The following NRXN1 variants were observed in gnomAD, a reference collection of about 807,000 sequenced individuals.
NRXN1 encodes neurexin-1.
A neutral mutation model predicts 150.9 loss-of-function variants in NRXN1; 39 were observed. The observed-to-expected ratio is 0.26, with a 90% CI of 0.20 to 0.34. NRXN1 has a LOEUF of 0.34. Among genes scored for constraint, NRXN1 ranks in the 10% least tolerant of loss-of-function variants. The pLI is 1.00. For missense variants in NRXN1, 1,815 were observed against 1,949.9 expected, an observed-to-expected ratio of 0.93 and a Z score of 1.30; for synonymous variants, 924 against 757.0, an observed-to-expected ratio of 1.22 and a Z score of -3.62.
chr2:50,077,542 C>T (rs1481879142), intron 19 of NRXN1, among the ~76,000 whole-genome samples: 3 of 152,078 alleles, frequency 2.0e-5, no homozygotes, highest in Non-Finnish European at 4.4e-5. Context: ...AAGTCCTCTG[C>T]CAACCTGAGC....
chr2:50,378,815 G>C (rs1469484694), intron 17 of NRXN1, among the ~76,000 whole-genome samples: 2 of 152,130 alleles, frequency 1.3e-5, no homozygotes, highest in Non-Finnish European at 2.9e-5. Context: ...AACTTTAAGA[G>C]GGAAACTCTT....
intron 5 of NRXN1, among the ~76,000 whole-genome samples, chr2:50,816,031 T>G (rs2105794086): frequency 6.6e-6 from 1 of 152,306 alleles, no homozygotes; most frequent in African/African-American, 2.4e-5. Flanking sequence ...TCCTAAGATC[T>G]TAAGTATAAT....
intron 21 of NRXN1, among the ~76,000 whole-genome samples, chr2:50,013,745 G>A (rs924731480): frequency 6.6e-6 from 1 of 152,138 alleles, no homozygotes; most frequent in Admixed American, 6.6e-5. Context: ...AATAACAAAA[G>A]TTCAATGACT....
intron 2 of NRXN1, among the ~76,000 whole-genome samples, chr2:50,958,536 T>C (rs1400406014): frequency 6.6e-6 from 1 of 152,116 alleles, no homozygotes; most frequent in South Asian, 2.1e-4. Flanking sequence ...TTATAGAAAG[T>C]CAACTGGTTT....
rs989772277 is a variant in NRXN1, at chr2:50,265,986, A to G, written c.3365-29016T>C. On this transcript the variant is annotated intron_variant, in intron 17 of 22. Coordinates refer to ENST00000401669, the MANE Select transcript of NRXN1 (RefSeq NM_001330078.2). ...CTTTGTTATTATTATTATTATTATTATTATTATTATTATTTATTTTTTTTT... is the reference window on the plus strand; with the variant it reads ...CTTTGTTATTATTATTATTATTATTGTTATTATTATTATTTATTTTTTTTT... 4.3e-5 allele frequency among the ~76,000 whole-genome samples: 4 copies of G among 93,472 alleles called. No homozygotes were observed. The East Asian group carries it at 9.6e-4, about 22-fold the overall frequency. The allele number at this position is 93,472 out of a possible 152,430, so 61.3% of individuals were successfully genotyped here.
chr2:50,884,816 T>C (rs990005732), intron 5 of NRXN1, among the ~76,000 whole-genome samples: 1 of 145,658 alleles, frequency 6.9e-6, no homozygotes. Context: ...GAGAACATAC[T>C]GTTTTTTAAA....
At chr2:50,220,676 CT>C (rs1222971902) in intron 18 of NRXN1, among the ~76,000 whole-genome samples, 4 of 152,036 alleles carry the variant, frequency 2.6e-5, no homozygotes, top group African/African-American at 9.7e-5. Context: ...AGTTCCACGT[CT>C]TTTTGTGAAT....
chr2:50,111,835 T>G (rs933039989), intron 18 of NRXN1, among the ~76,000 whole-genome samples: 2 of 152,166 alleles, frequency 1.3e-5, no homozygotes, highest in Admixed American at 6.5e-5. Context: ...TTAAAGTTTT[T>G]ATAACCATTC....
intron 17 of NRXN1, among the ~76,000 whole-genome samples, chr2:50,302,766 A>C (rs2074275497): frequency 6.6e-6 from 1 of 152,182 alleles, no homozygotes; most frequent in Non-Finnish European, 1.5e-5. Flanking sequence ...ACTGAAATTT[A>C]ATTTGTAAGA....
intron 5 of NRXN1, among the ~76,000 whole-genome samples, chr2:50,642,238 C>G (rs1485919939): frequency 1.3e-5 from 2 of 151,824 alleles, no homozygotes; most frequent in Non-Finnish European, 2.9e-5. Flanking sequence ...GACAGGGATC[C>G]AGTTTACAAG....
chr2:50,069,652 A>G (rs1695903211), intron 19 of NRXN1, among the ~76,000 whole-genome samples: 2 of 152,026 alleles, frequency 1.3e-5, no homozygotes, highest in Admixed American at 1.3e-4. Context: ...TAATTAAGCC[A>G]TTACATTTTT....
intron 18 of NRXN1, among the ~76,000 whole-genome samples, chr2:50,152,844 G>A (rs1027694756): frequency 2.6e-5 from 4 of 151,548 alleles, no homozygotes; most frequent in African/African-American, 9.7e-5. Context: ...ATTTCTTGGA[G>A]TTTTATATTT....
At chr2:50,647,122 T>G (rs1684937838) in intron 5 of NRXN1, among the ~76,000 whole-genome samples, 1 of 151,806 alleles carries the variant, frequency 6.6e-6, no homozygotes, top group Admixed American at 6.6e-5. Context: ...CTGAACAAAC[T>G]GTATCTCTCA....
intron 17 of NRXN1, among the ~76,000 whole-genome samples, chr2:50,450,549 T>C (rs1338836995): frequency 6.6e-6 from 1 of 152,198 alleles, no homozygotes; most frequent in Non-Finnish European, 1.5e-5. Context: ...TATTTCTCAT[T>C]ATGTTTTGCA....
intron 5 of NRXN1, among the ~76,000 whole-genome samples, chr2:50,819,968 T>TC (rs1350738612): frequency 6.6e-6 from 1 of 152,128 alleles, no homozygotes; most frequent in Non-Finnish European, 1.5e-5. Flanking sequence ...CTCTGCTCAC[T>TC]TGTTAATACA....
At chr2:50,009,434 A>T (rs1685289540) in intron 21 of NRXN1, among the ~76,000 whole-genome samples, 1 of 152,180 alleles carries the variant, frequency 6.6e-6, no homozygotes, top group Admixed American at 6.6e-5. Context: ...CATATTTGAA[A>T]TTTACTTGCT....
chr2:51,024,634 A>AT (rs1471485303), intron 2 of NRXN1, among the ~76,000 whole-genome samples: 3 of 152,200 alleles, frequency 2.0e-5, no homozygotes, highest in Admixed American at 6.5e-5. Flanking sequence ...TCATAGGTGC[A>AT]TAAGTTGTTT....
At chr2:50,856,025 C>CT (rs202077470) in intron 5 of NRXN1, among the ~76,000 whole-genome samples, 15,637 of 138,574 alleles carry the variant, frequency 0.11, 907 homozygotes, top group Middle Eastern at 0.16. Context: ...CACGAGTAGC[C>CT]TTTTTTTTTT....
intron 18 of NRXN1, among the ~76,000 whole-genome samples, chr2:50,206,021 T>C (rs758382472): frequency 6.6e-6 from 1 of 152,026 alleles, no homozygotes; most frequent in Non-Finnish European, 1.5e-5. Flanking sequence ...TCCGTGAATA[T>C]ACTAAAAATC....
Sources: gnomAD v4.1 joint callset for allele counts (sites outside exome capture counted in the v4.1 genomes callset) on GRCh38, gnomAD v4.1.1 for gene constraint, MANE v1.5 for transcripts, NCBI Gene and HGNC (gene_info 2026-07-23, HGNC 2026-07-21) for gene names.